The following STAU1 variants were observed in gnomAD, a reference collection of about 807,000 sequenced individuals.
The protein encoded by STAU1 is staufen double-stranded RNA binding protein 1.
In STAU1, 13 loss-of-function variants were observed where a neutral mutation model predicts 62.9. The ratio of observed to expected loss-of-function variants is 0.21; its 90% CI spans 0.13 to 0.33. STAU1 has a LOEUF of 0.33. Ranked by LOEUF, STAU1 falls within the 10% of genes least tolerant of loss-of-function variation. STAU1 has a pLI of 1.00. For missense variants in STAU1, 571 were observed against 712.1 expected (o/e 0.80, Z 2.25); for synonymous variants, 269 against 265.1 (o/e 1.01, Z -0.14).
the STAU1 span, among the ~76,000 whole-genome samples, chr20:49,213,517 C>T: frequency 1.3e-5 from 2 of 152,280 alleles, no homozygotes; most frequent in Middle Eastern, 3.4e-3. Context: ...CGTGAGCCAC[C>T]GCGCCTGGCC....
At chr20:49,130,613 T>C (rs2092729276) in intron 6 of STAU1, among the ~76,000 whole-genome samples, 1 of 152,198 alleles carries the variant, frequency 6.6e-6, no homozygotes, top group South Asian at 2.1e-4. Context: ...GCAATGCATC[T>C]ATACCGATAT....
chr20:49,199,708 G>A, the STAU1 span, among the ~76,000 whole-genome samples: 1 of 151,782 alleles, frequency 6.6e-6, no homozygotes, highest in Non-Finnish European at 1.5e-5. Flanking sequence ...GAGTAGCTGG[G>A]ATTACAGGCG....
chr20:49,159,152 A>T (rs1213624942), intron 3 of STAU1: 3 of 1,086,062 alleles, frequency 2.8e-6, no homozygotes, highest in Non-Finnish European at 3.4e-6. Context: ...AAAAGCTAAA[A>T]AAAAAAAAAC....
At chr20:49,142,371 A>G (rs2093028994) in intron 5 of STAU1, among the ~76,000 whole-genome samples, 1 of 152,200 alleles carries the variant, frequency 6.6e-6, no homozygotes, top group Admixed American at 6.5e-5. Flanking sequence ...TACAGGCGTG[A>G]GCCACCGTGC....
intron 1 of STAU1, among the ~76,000 whole-genome samples, chr20:49,181,389 T>TA (rs949769838): frequency 6.6e-6 from 1 of 152,120 alleles, no homozygotes; most frequent in African/African-American, 2.4e-5. Context: ...ACTCCACTTG[T>TA]AAAAAATTTT....
the STAU1 span, among the ~76,000 whole-genome samples, chr20:49,202,161 A>T: frequency 2.8e-4 from 41 of 146,034 alleles, 2 homozygotes; most frequent in Non-Finnish European, 4.4e-4. Context: ...CGGAGCTTGC[A>T]GTGAGCCAAC....
At chr20:49,145,375 GA>G (rs1239270720) in intron 5 of STAU1, among the ~76,000 whole-genome samples, 1 of 133,588 alleles carries the variant, frequency 7.5e-6, no homozygotes, top group East Asian at 2.4e-4. Flanking sequence ...AGTGAGCCGA[GA>G]TTACACCACT....
chr20:49,168,787 G>A (rs2093560063), intron 2 of STAU1, among the ~76,000 whole-genome samples: 1 of 152,036 alleles, frequency 6.6e-6, no homozygotes, highest in African/African-American at 2.4e-5. Flanking sequence ...GTGCAGAATG[G>A]GGAACCTACT....
intron 5 of STAU1, among the ~76,000 whole-genome samples, chr20:49,149,535 A>C (rs913974935): frequency 6.6e-6 from 1 of 152,122 alleles, no homozygotes; most frequent in Non-Finnish European, 1.5e-5. Flanking sequence ...AGAAATACCT[A>C]CTCCATCTGA....
At chr20:49,179,646 T>G (rs947336645) in intron 1 of STAU1, among the ~76,000 whole-genome samples, 1 of 152,210 alleles carries the variant, frequency 6.6e-6, no homozygotes, top group African/African-American at 2.4e-5. Flanking sequence ...CAGCAGACAA[T>G]GGCCCTATTT....
chr20:49,180,285 AT>A (rs200651157), intron 1 of STAU1, among the ~76,000 whole-genome samples: 36 of 147,336 alleles, frequency 2.4e-4, no homozygotes, highest in South Asian at 2.2e-3. Flanking sequence ...GAAGAAATGA[AT>A]TTTTTTTTTT....
the STAU1 span, among the ~76,000 whole-genome samples, chr20:49,201,998 A>G: frequency 6.6e-4 from 100 of 152,012 alleles, no homozygotes; most frequent in African/African-American, 2.3e-3. Flanking sequence ...AGGCAGGCAG[A>G]TCACGAGGCC....
rs2092254283 is a variant in STAU1 at position 49,114,217 on chromosome 20, T to C, written c.*661A>G. ...CAGACAAGTTTCCAAACTGTGCTAT[T>C]TAACTAGATACAATTGAGAAATTCT... On this transcript the variant is annotated 3_prime_UTR_variant, in exon 14 of 14. Coordinates refer to ENST00000371856, the MANE Select transcript of STAU1 (RefSeq NM_017453.4). 1.3e-5 allele frequency: 2 copies of C among 152,616 alleles called. No individual in the cohort carries two copies. The highest frequency in any genetic ancestry group is 6.5e-5 in the Admixed American group (1 of 15,274). The allele number at this position is 152,616 out of a possible 1,614,324, so 9.5% of individuals were successfully genotyped here.
chr20:49,204,619 TATATGTGTATATATATATATATATA>T, the STAU1 span, among the ~76,000 whole-genome samples: 2 of 48,004 alleles, frequency 4.2e-5, no homozygotes, highest in Non-Finnish European at 8.6e-5. Context: ...TATATATATA[TATATGTGTATATATATATATATATA>T]TATTTTTTTT....
upstream of STAU1, chr20:49,188,402 CGCCCGCCTCCAG>C (rs2093819977): frequency 6.6e-6 from 1 of 151,302 alleles, no homozygotes; most frequent in South Asian, 1.9e-4. Context: ...CCCCGGCCCC[CGCCCGCCTCCAG>C]GCCCGGCCCC....
intron 2 of STAU1, 41 bp downstream of exon 2, chr20:49,174,154 T>C (rs1240620615): frequency 1.3e-5 from 2 of 152,206 alleles, no homozygotes; most frequent in African/African-American, 2.4e-5. Flanking sequence ...GTACCACTGA[T>C]TATCAACAGG....
rs372079531 is a variant in STAU1 at position 49,184,228 on chromosome 20, C to T, written c.-160+3888G>A. Among the ~76,000 whole-genome samples the T allele has an allele frequency of 1.1e-4, 16 of 151,868 alleles. 1 individual carries two copies. The highest frequency in any genetic ancestry group is 9.7e-4 in the East Asian group (5 of 5,152). Reference sequence around the variant, plus strand: ...TTACAGGCATGGGGTTGCAGTAAGCCGAGACTGCACCATTGCACTGCAGCC... The same window carrying T: ...TTACAGGCATGGGGTTGCAGTAAGCTGAGACTGCACCATTGCACTGCAGCC... On this transcript the variant is annotated intron_variant, in intron 1 of 13. Transcript: ENST00000371856.
At chr20:49,188,607 CT>C (rs1056531951), upstream of STAU1, among the ~76,000 whole-genome samples, 2 of 152,230 alleles carry the variant, frequency 1.3e-5, no homozygotes, top group African/African-American at 4.8e-5. Context: ...TTCGCGCTGC[CT>C]GCTGGACTCG....
chr20:49,125,079 A>AAAAC (rs994639866), intron 6 of STAU1, among the ~76,000 whole-genome samples: 4 of 150,502 alleles, frequency 2.7e-5, no homozygotes, highest in Non-Finnish European at 4.4e-5. Flanking sequence ...AGTAAAAAAA[A>AAAAC]AAAAAAAAAA....
Sources: allele counts gnomAD v4.1 joint callset (sites outside exome capture counted in the v4.1 genomes callset), GRCh38; gene constraint gnomAD v4.1.1; transcripts MANE v1.5; gene names NCBI Gene and HGNC (gene_info 2026-07-23, HGNC 2026-07-21).